Variants in PHEX observed in about 807,000 individuals in gnomAD.
PHEX encodes phosphate-regulating neutral endopeptidase PHEX.
A neutral mutation model predicts 68.0 loss-of-function variants in PHEX; 16 were observed. The observed-to-expected ratio is 0.24, with a 90% CI of 0.16 to 0.36. PHEX has a LOEUF of 0.36. Among genes scored for constraint, PHEX ranks in the 10% least tolerant of loss-of-function variants. PHEX has a pLI of 1.00. For synonymous variants in PHEX, 208 were observed against 205.1 expected, an observed-to-expected ratio of 1.01 and a Z score of -0.12; for missense variants, 480 against 575.5, an observed-to-expected ratio of 0.83 and a Z score of 1.70.
chrX:22,069,179 T>C (rs1602268334), intron 3 of PHEX, among the ~76,000 whole-genome samples: 1 of 111,226 alleles, frequency 9.0e-6, no homozygotes. Context: ...GTAGTAAAAA[T>C]GCTATACGAA....
At chrX:22,157,137 C>A (rs149478609) in intron 12 of PHEX, among the ~76,000 whole-genome samples, 6 of 112,125 alleles carry the variant, frequency 5.4e-5, no homozygotes, top group African/African-American at 1.9e-4. Context: ...CCTGCCTGAG[C>A]CTCCCAAAGT....
At chrX:22,146,425 A>G (rs1037864012) in intron 12 of PHEX, among the ~76,000 whole-genome samples, 2 of 112,476 alleles carry the variant, frequency 1.8e-5, no homozygotes, top group African/African-American at 3.2e-5. Flanking sequence ...TTGATCATCA[A>G]GAATACAAAT....
Position 22,077,536 on chromosome X carries a change from G to A in PHEX, c.497G>A (p.Arg166His), listed in dbSNP as rs150297950. 3.3e-6 allele frequency: 4 copies of A among 1,209,866 alleles called. No individual in the cohort carries two copies. Among genetic ancestry groups the A allele is most frequent in the South Asian group, 1.8e-5 (1 of 56,841 alleles). ...CACATCCTACGGCATTCACCTTTCC[G>A]CTGGCCCGTGCTTGAATCTAATATT... ...LLHILRHSPF[R>H]WPVLESNIGP... is the part of the protein sequence containing the mutation. Residue 166 changes from arginine to histidine, a missense_variant, in exon 5 of 22, where the codon CGC becomes CAC. Arg to His is a conservative substitution (Grantham distance 29). Coordinates refer to ENST00000379374, the MANE Select transcript of PHEX (RefSeq NM_000444.6).
chrX:22,147,056 C>T (rs1932732188), intron 12 of PHEX, among the ~76,000 whole-genome samples: 1 of 110,386 alleles, frequency 9.1e-6, no homozygotes, highest in African/African-American at 3.3e-5. Context: ...AGACCCAAAG[C>T]GGAGAGAGAT....
At chrX:22,058,026 C>G (rs1602260027) in intron 3 of PHEX, among the ~76,000 whole-genome samples, 1 of 111,470 alleles carries the variant, frequency 9.0e-6, no homozygotes, top group Admixed American at 9.6e-5. Flanking sequence ...GCAAAATCAT[C>G]AGTCATTTTC....
At chrX:22,049,573 T>A (rs1204041694) in intron 3 of PHEX, among the ~76,000 whole-genome samples, 1 of 111,178 alleles carries the variant, frequency 9.0e-6, no homozygotes, top group African/African-American at 3.3e-5. Flanking sequence ...CAAATTGCCT[T>A]TTAGAAAGTT....
rs5951742 is a variant in PHEX, at chrX:22,249,635, T to G, written c.*1682T>G. The stretch of plus-strand genomic sequence containing the variant: ...TCCCTTTGACTTCTTCCTCTCTGAA[T>G]GGATAAACTTGTGAAGGGCAGCTAC... On this transcript the variant is annotated 3_prime_UTR_variant, in exon 22 of 22. Transcript: ENST00000379374. 1 of 105,926 alleles carries G rather than the reference T, an allele frequency of 9.4e-6. No homozygotes were observed. The highest frequency in any genetic ancestry group is 3.5e-5 in the African/African-American group (1 of 28,544). The allele number at this position is 105,926 out of a possible 1,213,427, so 8.7% of individuals were successfully genotyped here.
chrX:22,107,306 G>T (rs993847274), intron 9 of PHEX, among the ~76,000 whole-genome samples: 11 of 111,774 alleles, frequency 9.8e-5, no homozygotes, highest in African/African-American at 2.9e-4. Flanking sequence ...TAGTTATTCT[G>T]GCTCATCACC....
chrX:22,069,874 T>G lies in PHEX; in HGVS notation c.350-6514T>G, dbSNP rs142516101. On this transcript the variant is annotated intron_variant, in intron 3 of 21. Coordinates refer to ENST00000379374, the MANE Select transcript of PHEX (RefSeq NM_000444.6). ...CGGGATCCACGGACCATGACTTAGT[T>G]AACTTGAATTTTATTTTTTAATGAG... Among the ~76,000 whole-genome samples the G allele has an allele frequency of 5.4e-5, 6 of 111,903 alleles. No individual in the cohort carries two copies. The East Asian group carries it at 1.7e-3, about 31-fold the overall frequency.
chrX:22,091,010 A>C (rs772303723), intron 6 of PHEX, among the ~76,000 whole-genome samples: 2 of 111,994 alleles, frequency 1.8e-5, no homozygotes, highest in Non-Finnish European at 3.8e-5. Context: ...AATAAGAATC[A>C]GAAAGGATCA....
At chrX:22,147,592 A>G (rs752207064) in intron 12 of PHEX, among the ~76,000 whole-genome samples, 3 of 110,230 alleles carry the variant, frequency 2.7e-5, no homozygotes, top group Non-Finnish European at 5.7e-5. Flanking sequence ...AAAGGCAAGC[A>G]GAGGGCATGA....
At chrX:22,238,803 G>A (rs1936076746) in intron 20 of PHEX, among the ~76,000 whole-genome samples, 1 of 111,892 alleles carries the variant, frequency 8.9e-6, no homozygotes, top group Non-Finnish European at 1.9e-5. Flanking sequence ...TCTAGGGGAA[G>A]GGGCAGCTGT....
In PHEX at chrX:22,033,047, G is replaced by A. The variant is rs1249649364; in HGVS notation, c.42G>A (p.Lys14=). Residue 14 remains lysine, a synonymous_variant, in exon 1 of 22, where the codon AAG becomes AAA. Coordinates refer to ENST00000379374, the MANE Select transcript of PHEX (RefSeq NM_000444.6). ...GGAGCAGCGTGGAGACTGGAAAGAA[G>A]GCCAACAGAGGCACTCGAATTGCCC... ...ETGSSVETGK[K]ANRGTRIALV... 8.3e-7 allele frequency: 1 copy of A among 1,209,977 alleles called. No homozygotes were observed. The highest frequency in any genetic ancestry group is 2.2e-5 in the Admixed American group (1 of 45,854).
At position 22,212,604 on chromosome X, in the gene PHEX, G is replaced by C. The variant is rs971007153; in HGVS notation, c.1646-300G>C. ...GGCCCTTTCTATATCAGGCAAAGCT[G>C]CTGGACAGCCTGAAGCCTCATGAGC... On this transcript the variant is annotated intron_variant, in intron 15 of 21. Transcript: ENST00000379374. Among the ~76,000 whole-genome samples the C allele has an allele frequency of 2.7e-5, 3 of 112,242 alleles. No individual in the cohort carries two copies. In the Admixed American group the frequency reaches 2.8e-4, roughly 11 times the overall value.
intron 12 of PHEX, among the ~76,000 whole-genome samples, chrX:22,146,839 AAATT>A (rs149938447): frequency 2.3e-4 from 15 of 63,963 alleles, no homozygotes; most frequent in East Asian, 4.5e-3. Flanking sequence ...AAATAAAATA[AAATT>A]AATTAATTAA....
intron 20 of PHEX, among the ~76,000 whole-genome samples, chrX:22,243,183 A>G (rs1169954257): frequency 3.6e-5 from 4 of 111,843 alleles, no homozygotes; most frequent in Admixed American, 9.5e-5. Flanking sequence ...AATGGGGAAA[A>G]GATTCTGTAT....
intron 12 of PHEX, among the ~76,000 whole-genome samples, chrX:22,140,350 C>T (rs772167036): frequency 7.2e-4 from 80 of 111,763 alleles, no homozygotes; most frequent in African/African-American, 2.5e-3. Flanking sequence ...GATCCAAAGG[C>T]TCTTTCTTGG....
At chrX:22,162,024 T>TAAGAGA (rs959426513) in intron 12 of PHEX, among the ~76,000 whole-genome samples, 1 of 111,521 alleles carries the variant, frequency 9.0e-6, no homozygotes, top group African/African-American at 3.3e-5. Flanking sequence ...AAGGAACAGA[T>TAAGAGA]AAGAGAAAGA....
At chrX:22,046,486 G>C (rs1434267669) in intron 2 of PHEX, among the ~76,000 whole-genome samples, 3 of 109,428 alleles carry the variant, frequency 2.7e-5, no homozygotes, top group African/African-American at 1.0e-4. Flanking sequence ...TTGTATTCTT[G>C]TCCCATACCC....
Sources: gnomAD v4.1 joint callset for allele counts (sites outside exome capture counted in the v4.1 genomes callset) on GRCh38, gnomAD v4.1.1 for gene constraint, MANE v1.5 for transcripts, NCBI Gene and HGNC (gene_info 2026-07-23, HGNC 2026-07-21) for gene names.